The following FRG2C variants were observed in gnomAD, a reference collection of about 807,000 sequenced individuals.
The protein encoded by FRG2C is FSHD region gene 2 family member C.
Under a neutral mutation model 14.1 loss-of-function variants are expected in FRG2C, and 8 were observed. That is an observed-to-expected ratio of 0.57 (90% CI 0.33 to 1.02). The LOEUF (loss-of-function observed/expected upper bound fraction) is 1.02, where lower values mean the gene tolerates loss of function less well. Ranked by LOEUF, FRG2C falls within the 50% of genes least tolerant of loss-of-function variation. The pLI, the probability that FRG2C is intolerant of heterozygous loss-of-function variation, is 0.03. For missense variants in FRG2C, 214 were observed against 334.2 expected (o/e 0.64, Z 2.80); for synonymous variants, 92 against 127.4 (o/e 0.72, Z 1.87).
chr3:75,664,936 G>C, intron 2 of FRG2C, 40 bp downstream of exon 2: 1 of 1,614,092 alleles, frequency 6.2e-7, no homozygotes, highest in Middle Eastern at 1.7e-4. Flanking sequence ...GGACAGGGCA[G>C]CAACACAGGC....
In FRG2C at chr3:75,665,145, TCAGGAAAACTG is replaced by T. The variant is rs1409943989; in HGVS notation, c.285_295del (p.Asn95LysfsTer27). 1.9e-5 allele frequency: 30 copies of T among 1,614,070 alleles called. No individual in the cohort carries two copies. The East Asian group carries it at 6.5e-4, about 35-fold the overall frequency. On this transcript the variant is annotated frameshift_variant, in exon 3 of 4. Coordinates refer to ENST00000308062, the MANE Select transcript of FRG2C (RefSeq NM_001124759.5). LOFTEE classifies it high-confidence loss of function. Reference sequence around the variant, plus strand: ...TCACAGAACCAGAGTCCAGCTCATATCAGGAAAACTGCAGGAAAAGAAAAATCAGTTCCAAG... The same window carrying T: ...TCACAGAACCAGAGTCCAGCTCATATCAGGAAAAGAAAAATCAGTTCCAAG...
chr3:75,664,827 G>T lies in FRG2C; in HGVS notation c.187G>T (p.Asp63Tyr), dbSNP rs1245316923. ...TAAACCTTCTCTTGCAGCAGGATCAGATCCCAATCCAAACAAGGAGAATTC... is the reference window on the plus strand; with the variant it reads ...TAAACCTTCTCTTGCAGCAGGATCATATCCCAATCCAAACAAGGAGAATTC... Reference protein sequence around the residue: ...EKHTQRQAGSDPNPNKENSEE... With the variant: ...EKHTQRQAGSYPNPNKENSEE... The change falls in exon 2 of 4, where the codon GAT becomes TAT. Residue 63 changes from aspartate to tyrosine, a missense_variant. By Grantham distance (160) the Asp-to-Tyr change is radical. This residue lies in a region of FRG2C where 136 missense variants were observed against 148.1 expected (regional missense o/e 0.92). Transcript: ENST00000308062. 2.5e-6 allele frequency: 4 copies of T among 1,614,114 alleles called. No homozygotes were observed. The highest frequency in any genetic ancestry group is 3.4e-6 in the Non-Finnish European group (4 of 1,180,036).
In FRG2C at chr3:75,667,021, T is replaced by A. The variant is rs1252547094; in HGVS notation, c.*980T>A. The A allele has an allele frequency of 6.6e-6, 1 of 152,346 alleles. No individual in the cohort carries two copies. The highest frequency in any genetic ancestry group is 6.5e-5 in the Admixed American group (1 of 15,294). The allele number at this position is 152,346 out of a possible 1,614,324, so 9.4% of individuals were successfully genotyped here. A position where few individuals can be genotyped will look rare whatever the true frequency, so the allele number is the denominator to read the frequency against. Reference sequence around the variant, plus strand: ...TCATCACATACTACAATACAGTGTATTTTGTTATATTTGACGTATATTCTA... The same window carrying A: ...TCATCACATACTACAATACAGTGTAATTTGTTATATTTGACGTATATTCTA... On this transcript the variant is annotated 3_prime_UTR_variant, in exon 4 of 4. Coordinates refer to ENST00000308062, the MANE Select transcript of FRG2C (RefSeq NM_001124759.5).
Position 75,665,955 on chromosome 3 carries a change from C to T in FRG2C, c.763C>T (p.Leu255=), listed in dbSNP as rs1937086374. ...ACTGCCTGGTCCTGGGGATTCAGCC[C>T]TGGATAGAGAAGCCCATCCCTTCCC... ...ATLPGPGDSA[L]DREAHPFPGQ... Residue 255 remains leucine (L), a synonymous_variant, in exon 4 of 4, where the codon CTG becomes TTG. Coordinates refer to ENST00000308062, the MANE Select transcript of FRG2C (RefSeq NM_001124759.5). The T allele has an allele frequency of 8.7e-6, 14 of 1,612,266 alleles. No individual in the cohort carries two copies. In the South Asian group the frequency reaches 1.4e-4, roughly 16 times the overall value.
chr3:75,664,820 A>G lies in FRG2C; in HGVS notation c.180A>G (p.Ala60=). 1 of 1,614,250 alleles carries G rather than the reference A, an allele frequency of 6.2e-7. No individual in the cohort carries two copies. The highest frequency in any genetic ancestry group is 1.7e-5 in the Admixed American group (1 of 60,036). Reference sequence around the variant, plus strand: ...AGCCATCTAAACCTTCTCTTGCAGCAGGATCAGATCCCAATCCAAACAAGG... The same window carrying G: ...AGCCATCTAAACCTTCTCTTGCAGCGGGATCAGATCCCAATCCAAACAAGG... The part of the protein sequence containing the change: ...HSSEKHTQRQ[A]GSDPNPNKEN... Residue 60 remains alanine, a splice_region_variant and synonymous_variant, in exon 2 of 4, where the codon GCA becomes GCG. Transcript: ENST00000308062.
Position 75,665,710 on chromosome 3 carries a change from G to T in FRG2C, c.518G>T (p.Arg173Leu). ...CTAGAAGTCCAAACACCGTCACTTC[G>T]AAAAAGCTTGGTGACCTCTGTGCGA... is the stretch of plus-strand genomic sequence containing the variant. ...RALEVQTPSL[R>L]KSLVTSVRAM... Residue 173 changes from arginine to leucine, a missense_variant, in exon 4 of 4, where the codon CGA becomes CTA. By Grantham distance (102) the Arg-to-Leu change is moderately radical (BLOSUM62 -2). This residue lies in a region of FRG2C where 136 missense variants were observed against 148.1 expected (regional missense o/e 0.92). Transcript: ENST00000308062. 1.2e-6 allele frequency: 2 copies of T among 1,613,978 alleles called. No homozygotes were observed. The highest frequency in any genetic ancestry group is 1.7e-6 in the Non-Finnish European group (2 of 1,179,854).
chr3:75,664,624 G>C, intron 1 of FRG2C, 67 bp downstream of exon 1: 1 of 1,613,806 alleles, frequency 6.2e-7, no homozygotes, highest in Non-Finnish European at 8.5e-7. Context: ...TGAGCTATGT[G>C]TCTTTAGCAG....
intron 3 of FRG2C, 61 bp from the exon 4 acceptor site, chr3:75,665,466 T>C (rs1937064935): frequency 1.3e-5 from 20 of 1,568,018 alleles, no homozygotes; most frequent in Non-Finnish European, 1.7e-6. Flanking sequence ...GCACAGGGGG[T>C]TCTGGAAATG....
At position 75,664,839 on chromosome 3, in the gene FRG2C, A is replaced by T; in HGVS notation, c.199A>T (p.Asn67Tyr). The change falls in exon 2 of 4, where the codon AAC becomes TAC. Residue 67 changes from asparagine (N) to tyrosine (Y), a missense_variant. By Grantham distance (143) the Asn-to-Tyr change is moderately radical. Coordinates refer to ENST00000308062, the MANE Select transcript of FRG2C (RefSeq NM_001124759.5). ...QRQAGSDPNP[N>Y]KENSEETKLK... ...TGCAGCAGGATCAGATCCCAATCCA[A>T]ACAAGGAGAATTCTGAGGAAACCAA... 6.2e-7 allele frequency: 1 copy of T among 1,614,280 alleles called. No homozygotes were observed. The highest frequency in any genetic ancestry group is 2.2e-5 in the East Asian group (1 of 44,894).
At position 75,665,121 on chromosome 3, in the gene FRG2C, C is replaced by T; in HGVS notation, c.257-5C>T. On this transcript the variant is annotated splice_region_variant and splice_polypyrimidine_tract_variant and intron_variant, in intron 2 of 3. Transcript: ENST00000308062. Reference sequence around the variant, plus strand: ...CACTTTCTCAAACTCTCATTGTGTTCACAGAACCAGAGTCCAGCTCATATC... The same window carrying T: ...CACTTTCTCAAACTCTCATTGTGTTTACAGAACCAGAGTCCAGCTCATATC... 1 of 1,613,826 alleles carries T rather than the reference C, an allele frequency of 6.2e-7. No homozygotes were observed. Among genetic ancestry groups the T allele is most frequent in the African/African-American group, 1.3e-5 (1 of 75,080 alleles).
rs1472262922 is a variant in FRG2C, at chr3:75,665,666, G to A, written c.474G>A (p.Lys158=). Residue 158 remains lysine (K), a synonymous_variant, in exon 4 of 4, where the codon AAG becomes AAA. Transcript: ENST00000308062. The stretch of plus-strand genomic sequence containing the variant: ...CCAGGGCTTGCACTGGGCGCAGCAA[G>A]CGGCATAGGTCTCGGGCCCTAGAAG... ...GSSRACTGRS[K]RHRSRALEVQ... 7.6e-5 allele frequency: 123 copies of A among 1,613,910 alleles called. No individual in the cohort carries two copies. Among genetic ancestry groups the A allele is most frequent in the Non-Finnish European group, 9.4e-5 (111 of 1,179,858 alleles).
chr3:75,665,269 A>C, intron 3 of FRG2C, 66 bp downstream of exon 3: 1 of 1,556,056 alleles, frequency 6.4e-7, no homozygotes, highest in Middle Eastern at 1.7e-4. Context: ...TTTGCCCCAA[A>C]AGGCAAATAA....
rs75091771 is a variant in FRG2C, at chr3:75,665,702, G to A, written c.510G>A (p.Pro170=). ...HRSRALEVQT[P]SLRKSLVTSV... The stretch of plus-strand genomic sequence containing the variant: ...CTCGGGCCCTAGAAGTCCAAACACC[G>A]TCACTTCGAAAAAGCTTGGTGACCT... Residue 170 remains proline (P), a synonymous_variant, in exon 4 of 4, where the codon CCG becomes CCA. Transcript: ENST00000308062. The A allele has an allele frequency of 1.3e-5, 21 of 1,613,812 alleles. No homozygotes were observed. Among genetic ancestry groups the A allele is most frequent in the African/African-American group, 2.7e-5 (2 of 74,958 alleles).
At chr3:75,665,062 A>G in intron 2 of FRG2C, 64 bp from the exon 3 acceptor site, 1 of 1,597,150 alleles carries the variant, frequency 6.3e-7, no homozygotes, top group Non-Finnish European at 8.6e-7. Flanking sequence ...TGTGTCCAGG[A>G]TGGACTAGGA....
intron 1 of FRG2C, 84 bp downstream of exon 1, chr3:75,664,641 AT>A: frequency 6.2e-7 from 1 of 1,612,744 alleles, no homozygotes; most frequent in Non-Finnish European, 8.5e-7. Flanking sequence ...GCAGGGTTTT[AT>A]TTTGAGATTT....
rs1456705723 is a variant in FRG2C at position 75,666,185 on chromosome 3, G to C, written c.*144G>C. On this transcript the variant is annotated 3_prime_UTR_variant, in exon 4 of 4. Transcript: ENST00000308062. Reference sequence around the variant, plus strand: ...TGAAGAAGTCATAGGAAAGAAACTTGAGCGGTATACTCAGAATGGTGAGCC... The same window carrying C: ...TGAAGAAGTCATAGGAAAGAAACTTCAGCGGTATACTCAGAATGGTGAGCC... 6.6e-6 allele frequency: 10 copies of C among 1,524,976 alleles called. No individual in the cohort carries two copies. The East Asian group carries it at 1.8e-4, about 28-fold the overall frequency. 94.5% of individuals were successfully genotyped at this position (1,524,976 alleles called of 1,614,324 possible).
Position 75,666,065 on chromosome 3 carries a change from C to T in FRG2C, c.*24C>T. On this transcript the variant is annotated 3_prime_UTR_variant, in exon 4 of 4. Transcript: ENST00000308062. Reference sequence around the variant, plus strand: ...GACCCTATTCAGCAGAGATGCAGCTCTGGGAATGAGAACAAGGACCTGCTT... The same window carrying T: ...GACCCTATTCAGCAGAGATGCAGCTTTGGGAATGAGAACAAGGACCTGCTT... 6.2e-7 allele frequency: 1 copy of T among 1,612,156 alleles called. No individual in the cohort carries two copies. Among genetic ancestry groups the T allele is most frequent in the Non-Finnish European group, 8.5e-7 (1 of 1,179,878 alleles).
Position 75,666,321 on chromosome 3 carries a change from A to C in FRG2C, c.*280A>C. 1.7e-6 allele frequency: 1 copy of C among 592,438 alleles called. No homozygotes were observed. The highest frequency in any genetic ancestry group is 2.9e-6 in the Non-Finnish European group (1 of 345,788). 36.7% of individuals were successfully genotyped at this position (592,438 alleles called of 1,614,324 possible). On this transcript the variant is annotated 3_prime_UTR_variant, in exon 4 of 4. Transcript: ENST00000308062. The stretch of plus-strand genomic sequence containing the variant: ...CGTGCATTTCTATATAATCAGAAAA[A>C]TATTAGGTTGCAATCGTGAATTTTC...
chr3:75,666,337 G>A lies in FRG2C; in HGVS notation c.*296G>A, dbSNP rs76795819. The A allele has an allele frequency of 1.3e-5, 7 of 554,996 alleles. No individual in the cohort carries two copies. Among genetic ancestry groups the A allele is most frequent in the East Asian group, 6.4e-5 (2 of 31,122 alleles). The allele number at this position is 554,996 out of a possible 1,614,324, so 34.4% of individuals were successfully genotyped here. On this transcript the variant is annotated 3_prime_UTR_variant, in exon 4 of 4. Transcript: ENST00000308062. The stretch of plus-strand genomic sequence containing the variant: ...ATCAGAAAAATATTAGGTTGCAATC[G>A]TGAATTTTCATATTTTAGATTGTAG...
Sources: gnomAD v4.1 joint callset for allele counts on GRCh38, gnomAD v4.1.1 for gene constraint, gnomAD v4.1.1 regional missense constraint, MANE v1.5 for transcripts, NCBI Gene and HGNC (gene_info 2026-07-23, HGNC 2026-07-21) for gene names.